The following PAX6 variants were observed in gnomAD, a reference collection of about 807,000 sequenced individuals.
PAX6 encodes the protein paired box 6.
PAX6 carries 7 observed loss-of-function variants against 60.7 expected under a neutral mutation model. That is an observed-to-expected ratio of 0.12 (90% CI 0.07 to 0.22). PAX6 has a LOEUF of 0.22. PAX6 is among the 10% of genes least tolerant of loss of function. The pLI, the probability that PAX6 is intolerant of heterozygous loss-of-function variation, is 1.00. For missense variants in PAX6, 355 were observed against 555.2 expected (o/e 0.64, Z 3.62); for synonymous variants, 208 against 201.2 (o/e 1.03, Z -0.29).
At chr11:31,791,290 C>A (rs930719917) in intron 12 of PAX6, 1 of 315,330 alleles carries the variant, frequency 3.2e-6, no homozygotes, top group African/African-American at 2.1e-5. Flanking sequence ...GGACAGAGAG[C>A]AGTGGGAGGA....
At chr11:31,814,461 GT>G (rs1163194599), upstream of PAX6, 2 of 152,280 alleles carry the variant, frequency 1.3e-5, no homozygotes, top group Non-Finnish European at 2.9e-5. Flanking sequence ...CCCATCCGGA[GT>G]TCTGACAGTT....
chr11:31,808,202 C>A (rs1956293647), intron 2 of PAX6: 1 of 152,092 alleles, frequency 6.6e-6, no homozygotes, highest in African/African-American at 2.4e-5. Flanking sequence ...GATCTGCCTG[C>A]CTGCAAGCAA....
intron 7 of PAX6, chr11:31,801,160 A>G: frequency 8.8e-7 from 1 of 1,134,972 alleles, no homozygotes; most frequent in Non-Finnish European, 1.2e-6. Flanking sequence ...AATAAAAACT[A>G]TTTAGACTTG....
rs1315078444 is a variant in PAX6 at position 31,800,731 on chromosome 11, A to C, written c.525T>G (p.Gly175=). The change falls in exon 8 of 14, where the codon GGT becomes GGG. Residue 175 remains glycine, a synonymous_variant. Coordinates refer to ENST00000640368, the MANE Select transcript of PAX6 (RefSeq NM_001368894.2). ...GQTGSWGTRP[G]WYPGTSVPGQ... ...CTGGCACCGAAGTCCCCGGATACCAACCAGGGCGGGTGCCCCAGCTTCCGG... is the reference window on the plus strand; with the variant it reads ...CTGGCACCGAAGTCCCCGGATACCACCCAGGGCGGGTGCCCCAGCTTCCGG... 6.2e-7 allele frequency: 1 copy of C among 1,614,042 alleles called. No individual in the cohort carries two copies. Among genetic ancestry groups the C allele is most frequent in the Admixed American group, 1.7e-5 (1 of 60,004 alleles).
rs1949626459 is a variant in PAX6 at position 31,790,721 on chromosome 11, G to T, written c.1214C>A (p.Thr405Asn). The part of the protein sequence containing the change: ...MNSQPMGTSG[T>N]TSTGLISPGV... ...AAGCAGTGGCTCACCTGTTGAAGTGGTGCCCGAGGTGCCCATTGGCTGACT... is the reference window on the plus strand; with the variant it reads ...AAGCAGTGGCTCACCTGTTGAAGTGTTGCCCGAGGTGCCCATTGGCTGACT... Residue 405 changes from threonine (T) to asparagine (N), a missense_variant, in exon 13 of 14, where the codon ACC becomes AAC. By Grantham distance (65) the Thr-to-Asn change is moderately conservative (BLOSUM62 0). Transcript: ENST00000640368. 1.2e-6 allele frequency: 2 copies of T among 1,614,042 alleles called. No homozygotes were observed. Among genetic ancestry groups the T allele is most frequent in the Admixed American group, 1.7e-5 (1 of 60,020 alleles).
At chr11:31,801,217 G>T (rs1953719895) in intron 7 of PAX6, 3 of 1,289,736 alleles carry the variant, frequency 2.3e-6, no homozygotes, top group Non-Finnish European at 3.0e-6. Context: ...GGATGGAAAT[G>T]GATGTGTGAC....
chr11:31,800,992 G>T, intron 7 of PAX6, 136 bp from the exon 8 acceptor site: 1 of 908,150 alleles, frequency 1.1e-6, no homozygotes, highest in Non-Finnish European at 1.8e-6. Flanking sequence ...ACAGTGGGTG[G>T]ATTTGCAGAT....
At position 31,794,540 on chromosome 11, in the gene PAX6, C is replaced by A. The variant is rs932447893; in HGVS notation, c.724+90G>T. 229 of 1,313,754 alleles carry A rather than the reference C, an allele frequency of 1.7e-4. 2 individuals are homozygous for A. The East Asian group carries it at 5.1e-3, about 30-fold the overall frequency. 81.4% of individuals were successfully genotyped at this position (1,313,754 alleles called of 1,614,324 possible). A position where few individuals can be genotyped will look rare whatever the true frequency, so the allele number is the denominator to read the frequency against. Reference sequence around the variant, plus strand: ...AAGGAAATCTTTTCATTCTTCTATGCAAAGGGCCCTGGCTAAATTTAGCTC... The same window carrying A: ...AAGGAAATCTTTTCATTCTTCTATGAAAAGGGCCCTGGCTAAATTTAGCTC... On this transcript the variant is annotated intron_variant, in intron 9 of 13. Transcript: ENST00000640368.
At chr11:31,816,656 G>T (rs1314996486) in intron 1 of PAX6, 1 of 701,654 alleles carries the variant, frequency 1.4e-6, no homozygotes, top group African/African-American at 1.7e-5. Context: ...CGTGCGGCCG[G>T]ACTGCCACTG....
chr11:31,794,105 C>T lies in PAX6; in HGVS notation c.734G>A (p.Arg245Lys), dbSNP rs867001467. 1.2e-6 allele frequency: 2 copies of T among 1,604,406 alleles called. No homozygotes were observed. The highest frequency in any genetic ancestry group is 1.7e-5 in the Admixed American group (1 of 59,998). Residue 245 changes from arginine to lysine, a missense_variant, in exon 10 of 14, where the codon AGA (arginine) becomes AAA (lysine). Transcript: ENST00000640368. ...QIEALEKEFE[R>K]THYPDVFARE... ...GGCAAACACATCTGGATAATGGGTT[C>T]TCTCAAACTCTGAAAGAGTAAGTTG...
chr11:31,794,405 A>G (rs1006100272), intron 9 of PAX6: 2 of 537,280 alleles, frequency 3.7e-6, no homozygotes, highest in Non-Finnish European at 6.6e-6. Flanking sequence ...AAAAGAAGAA[A>G]CACACACACA....
chr11:31,801,811 T>C (rs1312426670), intron 6 of PAX6, 35 bp from the exon 7 acceptor site: 1 of 1,614,106 alleles, frequency 6.2e-7, no homozygotes, highest in Non-Finnish European at 8.5e-7. Flanking sequence ...ACCACATTAT[T>C]AATAATTTCA....
rs758603708 is a variant in PAX6, at chr11:31,794,098, A to G, written c.741T>C (p.His247=). Residue 247 remains histidine, a synonymous_variant, in exon 10 of 14, where the codon CAT becomes CAC. Transcript: ENST00000640368. ...EALEKEFERT[H]YPDVFARERL... ...TTTCTCGGGCAAACACATCTGGATA[A>G]TGGGTTCTCTCAAACTCTGAAAGAG... is the stretch of plus-strand genomic sequence containing the variant. The G allele has an allele frequency of 9.3e-6, 15 of 1,608,710 alleles. No individual in the cohort carries two copies. The Admixed American group carries it at 1.0e-4, about 11-fold the overall frequency.
At chr11:31,798,653 C>A (rs995746139) in intron 8 of PAX6, among the ~76,000 whole-genome samples, 1 of 152,234 alleles carries the variant, frequency 6.6e-6, no homozygotes, top group South Asian at 2.1e-4. Flanking sequence ...CCCCAAAAAC[C>A]TCACTTGCGG....
At chr11:31,812,296 CTCTCTCTGTG>C (rs1292004340), upstream of PAX6, 47 of 109,998 alleles carry the variant, frequency 4.3e-4, no homozygotes, top group African/African-American at 1.9e-3. Context: ...GATTCTCTCT[CTCTCTCTGTG>C]TGTGTGTGTG....
At chr11:31,813,381 CG>C (rs1229767382), upstream of PAX6, among the ~76,000 whole-genome samples, 1 of 25,050 alleles carries the variant, frequency 4.0e-5, no homozygotes, top group Non-Finnish European at 8.1e-5. Flanking sequence ...GAGGGACTTG[CG>C]GGGGGGCGGG....
At chr11:31,792,369 T>C (rs1950209590) in intron 12 of PAX6, 1 of 152,236 alleles carries the variant, frequency 6.6e-6, no homozygotes, top group Admixed American at 6.5e-5. Flanking sequence ...ATGTGAATAA[T>C]TCCTCTGAAG....
At chr11:31,803,096 C>G in intron 4 of PAX6, 1 of 428,842 alleles carries the variant, frequency 2.3e-6, no homozygotes, top group Non-Finnish European at 4.0e-6. Context: ...TGCCAGACAT[C>G]GGGCAGCCCA....
chr11:31,792,858 C>T, intron 12 of PAX6: 1 of 216,334 alleles, frequency 4.6e-6, no homozygotes, highest in South Asian at 7.5e-5. Context: ...CACTAAATTT[C>T]CAGCAAATAC....
Sources: allele counts gnomAD v4.1 joint callset (sites outside exome capture counted in the v4.1 genomes callset), GRCh38; gene constraint gnomAD v4.1.1; transcripts MANE v1.5; gene names NCBI Gene and HGNC (gene_info 2026-07-23, HGNC 2026-07-21).